The following LRP1B variants were observed in gnomAD, a reference collection of about 807,000 sequenced individuals.
LRP1B encodes low-density lipoprotein receptor-related protein 1B.
In LRP1B, 217 loss-of-function variants were observed where a neutral mutation model predicts 556.6. The observed-to-expected ratio is 0.39, with a 90% CI of 0.35 to 0.44. The LOEUF (loss-of-function observed/expected upper bound fraction) is 0.44. Ranked by LOEUF, LRP1B falls within the 20% of genes least tolerant of loss-of-function variation. The probability of loss-of-function intolerance (pLI) is 1.00; values close to 1 mark genes in which losing one functional copy is unlikely to be tolerated. For missense variants in LRP1B, 5,053 were observed against 5,620.8 expected, an observed-to-expected ratio of 0.90 and a Z score of 3.23; for synonymous variants, 2,047 against 1,865.8, an observed-to-expected ratio of 1.10 and a Z score of -2.50.
chr2:141,518,760 C>T (rs978755306), intron 2 of LRP1B, among the ~76,000 whole-genome samples: 1 of 152,030 alleles, frequency 6.6e-6, no homozygotes, highest in South Asian at 2.1e-4. Flanking sequence ...ACCAGCCTGG[C>T]CAACATGGTG....
At chr2:140,753,824 G>A (rs138415722) in intron 35 of LRP1B, among the ~76,000 whole-genome samples, 127 of 152,082 alleles carry the variant, frequency 8.4e-4, no homozygotes, top group African/African-American at 2.8e-3. Flanking sequence ...AACTTTTCTC[G>A]TACCCTCCAA....
intron 7 of LRP1B, among the ~76,000 whole-genome samples, chr2:141,097,511 G>C (rs1230582466): frequency 6.6e-6 from 1 of 152,032 alleles, no homozygotes; most frequent in Non-Finnish European, 1.5e-5. Context: ...ATGGAAAAAA[G>C]AAAACAAAAC....
chr2:140,616,057 T>C (rs964891092), intron 41 of LRP1B, among the ~76,000 whole-genome samples: 2 of 151,896 alleles, frequency 1.3e-5, no homozygotes, highest in African/African-American at 2.4e-5. Flanking sequence ...GCTAAGCAGA[T>C]GAAGGTGGTT....
At chr2:140,378,931 GTTA>G (rs1288966659) in intron 67 of LRP1B, among the ~76,000 whole-genome samples, 1 of 152,122 alleles carries the variant, frequency 6.6e-6, no homozygotes, top group Non-Finnish European at 1.5e-5. Flanking sequence ...TAATTTAGCA[GTTA>G]TTGATTTAAT....
intron 7 of LRP1B, among the ~76,000 whole-genome samples, chr2:141,155,853 T>C (rs1371295168): frequency 6.6e-6 from 1 of 152,176 alleles, no homozygotes; most frequent in Non-Finnish European, 1.5e-5. Context: ...AAATTAATAT[T>C]CATTTTATGT....
chr2:141,059,577 G>C (rs1699281042), intron 8 of LRP1B, among the ~76,000 whole-genome samples: 1 of 151,720 alleles, frequency 6.6e-6, no homozygotes, highest in Non-Finnish European at 1.5e-5. Flanking sequence ...AGCACAGAAA[G>C]TAATATATAA....
intron 1 of LRP1B, among the ~76,000 whole-genome samples, chr2:142,124,890 CTT>C (rs34470563): frequency 8.2e-5 from 12 of 146,726 alleles, no homozygotes; most frequent in Non-Finnish European, 1.2e-4. Flanking sequence ...ACCAGTCTTA[CTT>C]TTTTTTTTTA....
At chr2:141,544,325 C>CTTCTTCTTCTTCTTCTTCTTCTTCTTCTT (rs1685417998) in intron 2 of LRP1B, among the ~76,000 whole-genome samples, 17 of 55,616 alleles carry the variant, frequency 3.1e-4, no homozygotes, top group East Asian at 2.7e-3. Context: ...TCTTCTTCTT[C>CTTCTTCTTCTTCTTCTTCTTCTTCTTCTT]TTCTTCTTCT....
intron 83 of LRP1B, among the ~76,000 whole-genome samples, chr2:140,305,563 G>T (rs1684030956): frequency 6.6e-6 from 1 of 152,136 alleles, no homozygotes; most frequent in South Asian, 2.1e-4. Flanking sequence ...CTGAGAAAAT[G>T]GGGTTTTCTA....
intron 49 of LRP1B, among the ~76,000 whole-genome samples, chr2:140,524,712 A>G (rs749259010): frequency 2.6e-5 from 4 of 151,824 alleles, no homozygotes; most frequent in Non-Finnish European, 4.4e-5. Flanking sequence ...ACCATATATC[A>G]CATGTTCCCA....
At chr2:142,128,661 T>C (rs924681410) in intron 1 of LRP1B, among the ~76,000 whole-genome samples, 3 of 152,174 alleles carry the variant, frequency 2.0e-5, no homozygotes, top group Non-Finnish European at 2.9e-5. Context: ...AGTGGCAAAG[T>C]GCTGGTCTAC....
Position 140,903,262 on chromosome 2 carries a change from A to T in LRP1B, c.3521-97T>A, listed in dbSNP as rs952262935. The T allele has an allele frequency of 6.5e-6, 9 of 1,375,422 alleles. No individual in the cohort carries two copies. The East Asian group carries it at 2.1e-4, about 32-fold the overall frequency. 85.2% of individuals were successfully genotyped at this position (1,375,422 alleles called of 1,614,324 possible). On this transcript the variant is annotated intron_variant, in intron 22 of 90. Transcript: ENST00000389484. ...CAATTCTCTAAGCCTACAATTAGCC[A>T]GGATACTACAAATGAATATAAGAAA... is the stretch of plus-strand genomic sequence containing the variant.
chr2:140,329,883 G>GA (rs34190948), intron 79 of LRP1B, among the ~76,000 whole-genome samples: 45,648 of 147,062 alleles, frequency 0.31, 7,803 homozygotes, highest in Non-Finnish European at 0.41. Flanking sequence ...CACCAAATTA[G>GA]AAAAAAAAAC....
At position 142,116,217 on chromosome 2, in the gene LRP1B, A is replaced by C. The variant is rs1167428849; in HGVS notation, c.82+14431T>G. ...CAAAAAAAAAAAAAAAAAAAAAAAG[A>C]ATGAGAAAGATATCACCTCACTCAA... On this transcript the variant is annotated intron_variant, in intron 1 of 90. Coordinates refer to ENST00000389484, the MANE Select transcript of LRP1B (RefSeq NM_018557.3). 3.0e-5 allele frequency among the ~76,000 whole-genome samples: 4 copies of C among 135,418 alleles called. No individual in the cohort carries two copies. The South Asian group carries it at 9.7e-4, about 33-fold the overall frequency. 88.8% of individuals were successfully genotyped at this position (135,418 alleles called of 152,430 possible). A position where few individuals can be genotyped will look rare whatever the true frequency, so the allele number is the denominator to read the frequency against.
At chr2:140,464,032 C>T (rs1291627545) in intron 60 of LRP1B, among the ~76,000 whole-genome samples, 1 of 151,898 alleles carries the variant, frequency 6.6e-6, no homozygotes, top group East Asian at 1.9e-4. Flanking sequence ...AACATCTCTA[C>T]TAAAAATACA....
At chr2:141,865,528 C>G (rs1698381985) in intron 1 of LRP1B, among the ~76,000 whole-genome samples, 1 of 137,660 alleles carries the variant, frequency 7.3e-6, no homozygotes, top group Admixed American at 7.5e-5. Context: ...GGAGGCGGAG[C>G]TTGCAGCGAG....
At chr2:141,148,757 G>A (rs551431414) in intron 7 of LRP1B, among the ~76,000 whole-genome samples, 11 of 152,174 alleles carry the variant, frequency 7.2e-5, no homozygotes, top group Non-Finnish European at 1.6e-4. Context: ...AAGTTCCAAA[G>A]CAGAGAAGAA....
intron 7 of LRP1B, among the ~76,000 whole-genome samples, chr2:141,062,734 A>G (rs1699370853): frequency 6.6e-6 from 1 of 151,824 alleles, no homozygotes; most frequent in Non-Finnish European, 1.5e-5. Context: ...TGAGTGGTGG[A>G]GAATAGCAAA....
intron 59 of LRP1B, among the ~76,000 whole-genome samples, chr2:140,480,550 C>T (rs1420601172): frequency 6.6e-6 from 1 of 151,886 alleles, no homozygotes; most frequent in Non-Finnish European, 1.5e-5. Context: ...AAGCAATTCT[C>T]CTGCCTCAGC....
Sources: gnomAD v4.1 joint callset for allele counts (sites outside exome capture counted in the v4.1 genomes callset) on GRCh38, gnomAD v4.1.1 for gene constraint, MANE v1.5 for transcripts, NCBI Gene and HGNC (gene_info 2026-07-23, HGNC 2026-07-21) for gene names.